Variants in NRG1 observed in about 807,000 individuals in gnomAD.
NRG1 encodes the protein neuregulin 1.
NRG1 carries 18 observed loss-of-function variants against 63.8 expected under a neutral mutation model. That is an observed-to-expected ratio of 0.28 (90% CI 0.19 to 0.42). The LOEUF is 0.42. NRG1 is among the 10% of genes least tolerant of loss of function. The pLI is 1.00. For missense variants in NRG1, 762 were observed against 814.7 expected (o/e 0.94, Z 0.79); for synonymous variants, 302 against 301.3 (o/e 1.00, Z -0.02).
chr8:32,646,691 GA>G, intron 5 of NRG1: 4 of 985,368 alleles, frequency 4.1e-6, no homozygotes, highest in Non-Finnish European at 4.8e-6. Context: ...TGTAGAGAAA[GA>G]AAGAAAAAGG....
chr8:31,826,168 G>A (rs1009936409), intron 1 of NRG1, among the ~76,000 whole-genome samples: 1 of 152,148 alleles, frequency 6.6e-6, no homozygotes, highest in Admixed American at 6.5e-5. Flanking sequence ...TCAGGTCAAT[G>A]GGATGTAAAT....
intron 1 of NRG1, among the ~76,000 whole-genome samples, chr8:32,038,306 G>A (rs374191226): frequency 1.3e-5 from 2 of 151,954 alleles, no homozygotes; most frequent in African/African-American, 2.4e-5. Flanking sequence ...TGTGGGTTGC[G>A]CCAACCATCT....
chr8:32,141,432 G>T (rs868318173), intron 1 of NRG1, among the ~76,000 whole-genome samples: 1 of 151,068 alleles, frequency 6.6e-6, no homozygotes, highest in East Asian at 1.9e-4. Flanking sequence ...CTCGTCTTTC[G>T]TTTCTGAAAT....
In NRG1 at chr8:32,743,374, G is replaced by T. The variant is rs542120142; in HGVS notation, c.691+641G>T. 16 of 217,534 alleles carry T rather than the reference G, an allele frequency of 7.4e-5. No homozygotes were observed. In the South Asian group the frequency reaches 2.7e-3, roughly 36 times the overall value. The allele number at this position is 217,534 out of a possible 1,614,324, so 13.5% of individuals were successfully genotyped here. A position where few individuals can be genotyped will look rare whatever the true frequency, so the allele number is the denominator to read the frequency against. On this transcript the variant is annotated intron_variant, in intron 7 of 11. Coordinates refer to ENST00000356819, the Ensembl canonical transcript of NRG1. ...GTTGCTTAGGGAACAAGTAATTCAG[G>T]CACTAGTTTAAACAATTATTTATTT...
intron 1 of NRG1, among the ~76,000 whole-genome samples, chr8:31,997,125 T>C (rs1014025495): frequency 6.6e-6 from 1 of 151,788 alleles, no homozygotes; most frequent in Admixed American, 6.6e-5. Flanking sequence ...ATGGGAATAA[T>C]ATGGGCATTT....
At chr8:32,330,691 A>G (rs956296047) in intron 1 of NRG1, among the ~76,000 whole-genome samples, 6 of 152,194 alleles carry the variant, frequency 3.9e-5, no homozygotes, top group Admixed American at 6.5e-5. Context: ...GGTAGTTCCT[A>G]GGAAGCTAGT....
intron 1 of NRG1, among the ~76,000 whole-genome samples, chr8:32,169,022 A>G (rs183877486): frequency 3.3e-4 from 50 of 152,294 alleles, no homozygotes; most frequent in African/African-American, 1.2e-3. Context: ...CCCTGTTGCC[A>G]CATAATTTAA....
chr8:32,219,684 T>G (rs1273354745), intron 1 of NRG1, among the ~76,000 whole-genome samples: 3 of 152,182 alleles, frequency 2.0e-5, no homozygotes, highest in Non-Finnish European at 4.4e-5. Flanking sequence ...AAACAGTGAG[T>G]AAAGTGCAGT....
At chr8:31,966,264 AG>A (rs1351014800) in intron 1 of NRG1, among the ~76,000 whole-genome samples, 1 of 152,216 alleles carries the variant, frequency 6.6e-6, no homozygotes, top group Non-Finnish European at 1.5e-5. Flanking sequence ...CTTACCATGT[AG>A]AAATTTAGGG....
intron 6 of NRG1, among the ~76,000 whole-genome samples, chr8:32,737,114 G>T (rs980585197): frequency 5.9e-5 from 9 of 152,222 alleles, no homozygotes; most frequent in African/African-American, 2.2e-4. Context: ...AAGTAAACTG[G>T]TATTTCACTA....
At chr8:32,388,762 A>G (rs1811342091) in intron 1 of NRG1, among the ~76,000 whole-genome samples, 1 of 152,116 alleles carries the variant, frequency 6.6e-6, no homozygotes. Flanking sequence ...TTTTCTCATA[A>G]TGACCTGTAG....
intron 1 of NRG1, among the ~76,000 whole-genome samples, chr8:32,072,548 C>A (rs1253643342): frequency 6.6e-6 from 1 of 151,594 alleles, no homozygotes; most frequent in Non-Finnish European, 1.5e-5. Context: ...TCTTGAAATT[C>A]TTTTAATTGT....
At chr8:32,466,990 T>C (rs1823150053) in intron 1 of NRG1, among the ~76,000 whole-genome samples, 1 of 152,118 alleles carries the variant, frequency 6.6e-6, no homozygotes, top group Non-Finnish European at 1.5e-5. Context: ...CAGGATTTCA[T>C]CCTCAGGCCA....
chr8:31,689,036 C>T (rs1809205168), intron 1 of NRG1, among the ~76,000 whole-genome samples: 1 of 152,172 alleles, frequency 6.6e-6, no homozygotes, highest in Non-Finnish European at 1.5e-5. Context: ...TCTTAAAAGC[C>T]AGCAGACTCA....
intron 5 of NRG1, among the ~76,000 whole-genome samples, chr8:32,702,510 G>A (rs1217097269): frequency 1.3e-5 from 2 of 152,090 alleles, no homozygotes; most frequent in South Asian, 2.1e-4. Context: ...TTTTTGAGGA[G>A]GAGTCTCGCC....
chr8:32,291,254 CT>C lies in NRG1; in HGVS notation c.38-304573del, dbSNP rs1156391894. ...AATGTTAATCTAATCTAAAGCCACCCTCACAGAAACACCAGAATAATGCTTG... is the reference window on the plus strand; with the variant it reads ...AATGTTAATCTAATCTAAAGCCACCCCACAGAAACACCAGAATAATGCTTG... On this transcript the variant is annotated intron_variant, in intron 1 of 10. Coordinates refer to the NRG1 transcript ENST00000519301. Among the ~76,000 whole-genome samples the C allele has an allele frequency of 3.3e-5, 5 of 152,272 alleles. 1 individual carries two copies. The South Asian group carries it at 8.3e-4, about 25-fold the overall frequency.
At chr8:32,704,945 G>C (rs138002766) in intron 5 of NRG1, among the ~76,000 whole-genome samples, 1 of 152,098 alleles carries the variant, frequency 6.6e-6, no homozygotes, top group African/African-American at 2.4e-5. Flanking sequence ...GATCATTGAC[G>C]TGCTTTTTAT....
intron 1 of NRG1, among the ~76,000 whole-genome samples, chr8:31,891,726 A>G (rs1056919325): frequency 2.0e-5 from 3 of 152,178 alleles, no homozygotes; most frequent in Non-Finnish European, 4.4e-5. Flanking sequence ...TAATAGCTGC[A>G]AACTGGAAAC....
intron 1 of NRG1, among the ~76,000 whole-genome samples, chr8:31,853,043 G>A (rs1458568284): frequency 6.6e-6 from 1 of 151,930 alleles, no homozygotes; most frequent in African/African-American, 2.4e-5. Context: ...GTCAGGTAGT[G>A]TGATGCCTCC....
Sources: gnomAD v4.1 joint callset for allele counts (sites outside exome capture counted in the v4.1 genomes callset) on GRCh38, gnomAD v4.1.1 for gene constraint, MANE v1.5 for transcripts, NCBI Gene and HGNC (gene_info 2026-07-23, HGNC 2026-07-21) for gene names.